Variants in PCDHGA1 observed in about 807,000 individuals in gnomAD.
PCDHGA1 encodes protocadherin gamma-A1.
In PCDHGA1, 32 loss-of-function variants were observed where a neutral mutation model predicts 58.0. The observed-to-expected ratio is 0.55, with a 90% CI of 0.42 to 0.74. PCDHGA1 has a LOEUF of 0.74. Ranked by LOEUF, PCDHGA1 falls within the 30% of genes least tolerant of loss-of-function variation. PCDHGA1 has a pLI of 0.00. For missense variants in PCDHGA1, 1,205 were observed against 1,182.3 expected (o/e 1.02, Z -0.28); for synonymous variants, 498 against 501.1 (o/e 0.99, Z 0.08).
At chr5:141,418,632 G>A in intron 1 of PCDHGA1, 1 of 1,614,028 alleles carries the variant, frequency 6.2e-7, no homozygotes, top group Non-Finnish European at 8.5e-7. Flanking sequence ...GTGCCTCCAG[G>A]CACCTCCATC....
Position 141,490,480 on chromosome 5 carries a change from C to G in PCDHGA1, c.2422-4327C>G. On this transcript the variant is annotated intron_variant, in intron 1 of 3. Coordinates refer to ENST00000517417, the MANE Select transcript of PCDHGA1 (RefSeq NM_018912.3). This position sits in a 1 kb window ranked among gnomAD's most constrained non-coding sequence, Gnocchi z 5.4. The stretch of plus-strand genomic sequence containing the variant: ...GCTGCTAACCAGCCAGCCTTTGGAC[C>G]GGGAGGCCACATCCCACTATATCAT... 2.5e-6 allele frequency: 4 copies of G among 1,614,194 alleles called. No homozygotes were observed. The highest frequency in any genetic ancestry group is 3.4e-6 in the Non-Finnish European group (4 of 1,180,050).
At chr5:141,354,991 AG>A (rs1759687682) in intron 1 of PCDHGA1, 1 of 634,544 alleles carries the variant, frequency 1.6e-6, no homozygotes, top group Non-Finnish European at 2.4e-6. Flanking sequence ...TTCACCAATC[AG>A]GGGGAAAAGA....
In PCDHGA1 at chr5:141,489,734, A is replaced by G; in HGVS notation, c.2422-5073A>G. The G allele has an allele frequency of 6.2e-7, 1 of 1,614,164 alleles. No individual in the cohort carries two copies. Among genetic ancestry groups the G allele is most frequent in the Non-Finnish European group, 8.5e-7 (1 of 1,180,028 alleles). On this transcript the variant is annotated intron_variant, in intron 1 of 3. Transcript: ENST00000517417. This position sits in a 1 kb window ranked among gnomAD's most constrained non-coding sequence, Gnocchi z 4.5. ...GCCCAGGATCCGGATGTGGGCACCAATACTGTGAGCTTTTACACTCTAAGC... is the reference window on the plus strand; with the variant it reads ...GCCCAGGATCCGGATGTGGGCACCAGTACTGTGAGCTTTTACACTCTAAGC...
intron 1 of PCDHGA1, chr5:141,405,001 C>A: frequency 1.9e-6 from 3 of 1,614,008 alleles, no homozygotes; most frequent in Non-Finnish European, 2.5e-6. Flanking sequence ...TCCCTGCAGA[C>A]CTGGAGGCCT....
chr5:141,458,825 C>A (rs1417477907), intron 1 of PCDHGA1, among the ~76,000 whole-genome samples: 1 of 152,102 alleles, frequency 6.6e-6, no homozygotes, highest in Non-Finnish European at 1.5e-5. Context: ...CTCTGCCTCC[C>A]AGGCTCAAGT....
chr5:141,339,760 G>A (rs1756873747), intron 1 of PCDHGA1: 2 of 1,614,136 alleles, frequency 1.2e-6, no homozygotes, highest in Middle Eastern at 1.6e-4. Flanking sequence ...GGATACTCAC[G>A]GTGACCGCCA....
At chr5:141,414,043 G>A in intron 1 of PCDHGA1, 1 of 1,611,348 alleles carries the variant, frequency 6.2e-7, no homozygotes, top group Non-Finnish European at 8.5e-7. Context: ...AAAATTACCT[G>A]ACACGCAATT....
chr5:141,409,173 G>T (rs1235074997), intron 1 of PCDHGA1: 3 of 1,614,028 alleles, frequency 1.9e-6, no homozygotes. Flanking sequence ...GCGAAGGACG[G>T]AGGTGGTCTC....
chr5:141,481,679 C>T (rs2099541734), intron 1 of PCDHGA1, among the ~76,000 whole-genome samples: 1 of 151,948 alleles, frequency 6.6e-6, no homozygotes, highest in Non-Finnish European at 1.5e-5. Context: ...TCAGGCCGGG[C>T]CTGGTGGCTC....
intron 1 of PCDHGA1, chr5:141,362,043 C>T: frequency 6.2e-7 from 1 of 1,610,452 alleles, no homozygotes; most frequent in South Asian, 1.1e-5. Flanking sequence ...GCGACAGGGA[C>T]GCGGCCCGCC....
chr5:141,402,229 A>G (rs1263337414), intron 1 of PCDHGA1, among the ~76,000 whole-genome samples: 4 of 152,110 alleles, frequency 2.6e-5, no homozygotes, highest in Non-Finnish European at 5.9e-5. Context: ...ACGTTTTTCC[A>G]GGAATTTTAT....
chr5:141,508,974 G>A (rs962653911), intron 3 of PCDHGA1, among the ~76,000 whole-genome samples: 2 of 152,128 alleles, frequency 1.3e-5, no homozygotes, highest in Non-Finnish European at 2.9e-5. Flanking sequence ...AAAGGGCTGG[G>A]GGTGGGGGCC....
At chr5:141,390,138 CTA>C (rs770679519) in intron 1 of PCDHGA1, 6 of 1,613,938 alleles carry the variant, frequency 3.7e-6, no homozygotes, top group Non-Finnish European at 5.1e-6. Flanking sequence ...TTCCTACAAT[CTA>C]TGTGTTGCAC....
chr5:141,428,546 A>C (rs1476382847), intron 1 of PCDHGA1: 1 of 263,642 alleles, frequency 3.8e-6, no homozygotes, highest in Non-Finnish European at 7.5e-6. Flanking sequence ...ATGACACCAG[A>C]AACAGTCCCC....
intron 1 of PCDHGA1, chr5:141,360,455 A>C (rs369787624): frequency 6.2e-7 from 1 of 1,613,862 alleles, no homozygotes; most frequent in Non-Finnish European, 8.5e-7. Context: ...CTGGATTTCG[A>C]TACTGTCGCT....
chr5:141,372,918 G>A (rs1350578389), intron 1 of PCDHGA1: 1 of 1,022,894 alleles, frequency 9.8e-7, no homozygotes, highest in African/African-American at 1.6e-5. Flanking sequence ...TTATTTTATT[G>A]ATTTTCTGGT....
chr5:141,415,786 A>ATT, intron 1 of PCDHGA1: 2 of 1,374,914 alleles, frequency 1.5e-6, no homozygotes, highest in Non-Finnish European at 1.9e-6. Flanking sequence ...TTCTGGTAAA[A>ATT]TTCACCTAGT....
At chr5:141,399,937 G>C in intron 1 of PCDHGA1, 1 of 1,612,360 alleles carries the variant, frequency 6.2e-7, no homozygotes, top group African/African-American at 1.3e-5. Flanking sequence ...GTCCTACCAC[G>C]TGCTGCAGGC....
intron 2 of PCDHGA1, among the ~76,000 whole-genome samples, chr5:141,503,595 G>A (rs6892628): frequency 7.1e-6 from 1 of 140,086 alleles, no homozygotes. Context: ...CGAGACTCCA[G>A]CTCAAAAAAA....
Sources: gnomAD v4.1 joint callset for allele counts (sites outside exome capture counted in the v4.1 genomes callset) on GRCh38, gnomAD v4.1.1 for gene constraint, Gnocchi (gnomAD v3.1) non-coding constraint, MANE v1.5 for transcripts, NCBI Gene and HGNC (gene_info 2026-07-23, HGNC 2026-07-21) for gene names.